The following PBX1 variants were observed in gnomAD, a reference collection of about 807,000 sequenced individuals.
The protein encoded by PBX1 is pre-B-cell leukemia transcription factor 1.
Under a neutral mutation model 53.4 loss-of-function variants are expected in PBX1, and 6 were observed. The observed-to-expected ratio is 0.11, with a 90% CI of 0.06 to 0.22. PBX1 has a LOEUF of 0.22. PBX1 is among the 10% of genes least tolerant of loss of function. PBX1 has a pLI of 1.00. For synonymous variants in PBX1, 204 were observed against 212.3 expected, an observed-to-expected ratio of 0.96 and a Z score of 0.34; for missense variants, 251 against 551.4, an observed-to-expected ratio of 0.46 and a Z score of 5.46.
chr1:164,818,536 T>C lies in PBX1; in HGVS notation c.998-1536T>C, dbSNP rs527439086. On this transcript the variant is annotated intron_variant, in intron 6 of 8. Transcript: ENST00000420696. The stretch of plus-strand genomic sequence containing the variant: ...TTATTTTTTCCTGGGAAAGAAGGAA[T>C]GAGAAGGGAGTTAGGTGGAGGATTG... The C allele has an allele frequency of 3.3e-5, 5 of 152,218 alleles. No homozygotes were observed. In the East Asian group the frequency reaches 9.6e-4, roughly 29 times the overall value. The allele number at this position is 152,218 out of a possible 1,614,324, so 9.4% of individuals were successfully genotyped here.
chr1:164,638,853 C>T (rs891021319), intron 2 of PBX1, among the ~76,000 whole-genome samples: 2 of 152,186 alleles, frequency 1.3e-5, no homozygotes, highest in African/African-American at 4.8e-5. Context: ...CAGTTGTGTG[C>T]ATGGAACATT....
At chr1:164,821,871 G>A (rs1339304191) in intron 8 of PBX1, among the ~76,000 whole-genome samples, 1 of 152,114 alleles carries the variant, frequency 6.6e-6, no homozygotes, top group Non-Finnish European at 1.5e-5. Flanking sequence ...TGTTTGCATG[G>A]CACCTGCGGC....
chr1:164,784,483 G>A (rs1051712417), intron 2 of PBX1, among the ~76,000 whole-genome samples: 4 of 152,202 alleles, frequency 2.6e-5, no homozygotes, highest in Non-Finnish European at 4.4e-5. Flanking sequence ...GACCAGAACC[G>A]CCAAAACCTA....
chr1:164,823,235 T>G (rs1423440384), intron 8 of PBX1, among the ~76,000 whole-genome samples: 1 of 152,202 alleles, frequency 6.6e-6, no homozygotes, highest in African/African-American at 2.4e-5. Flanking sequence ...ACTGCATTGA[T>G]GGCTGACTTA....
chr1:164,815,194 C>A (rs143136775), intron 6 of PBX1: 1 of 152,036 alleles, frequency 6.6e-6, no homozygotes, highest in African/African-American at 2.4e-5. Flanking sequence ...AAAATGAGGC[C>A]CTTTCAAGAA....
At chr1:164,603,929 ATTTTTTTT>A (rs71583414) in intron 2 of PBX1, among the ~76,000 whole-genome samples, 191 of 75,724 alleles carry the variant, frequency 2.5e-3, no homozygotes, top group Non-Finnish European at 3.8e-3. Context: ...ATGTCATTTC[ATTTTTTTT>A]TTTTTTTTTT....
intron 3 of PBX1, among the ~76,000 whole-genome samples, chr1:164,795,314 A>T (rs1273613163): frequency 6.6e-6 from 1 of 152,214 alleles, no homozygotes; most frequent in East Asian, 1.9e-4. Flanking sequence ...GAGAATGTGG[A>T]TGTCTTTCGA....
chr1:164,748,086 TTTTG>T (rs1316580409), intron 2 of PBX1, among the ~76,000 whole-genome samples: 1 of 152,122 alleles, frequency 6.6e-6, no homozygotes, highest in Non-Finnish European at 1.5e-5. Flanking sequence ...GCTTTTGAGT[TTTTG>T]TTTGTCAAGC....
chr1:164,762,163 T>C (rs1167271123), intron 2 of PBX1, among the ~76,000 whole-genome samples: 3 of 152,220 alleles, frequency 2.0e-5, no homozygotes, highest in Non-Finnish European at 4.4e-5. Context: ...AAATTGATAG[T>C]ATCTCCTAGC....
At position 164,682,990 on chromosome 1, in the gene PBX1, G is replaced by A. The variant is rs184592287; in HGVS notation, c.266-109504G>A. On this transcript the variant is annotated intron_variant, in intron 2 of 8. Coordinates refer to ENST00000420696, the MANE Select transcript of PBX1 (RefSeq NM_002585.4). ...CCCAGGCTGTGAGTTTTTTGATGTG[G>A]AAAGCTATTTACTAAGCATGTCTTG... The A allele has an allele frequency of 2.6e-5, 4 of 152,316 alleles. No homozygotes were observed. The East Asian group carries it at 7.7e-4, about 29-fold the overall frequency. The allele number at this position is 152,316 out of a possible 1,614,324, so 9.4% of individuals were successfully genotyped here. A position where few individuals can be genotyped will look rare whatever the true frequency, so the allele number is the denominator to read the frequency against.
intron 2 of PBX1, among the ~76,000 whole-genome samples, chr1:164,596,232 C>T (rs1372539161): frequency 1.3e-5 from 2 of 152,118 alleles, no homozygotes; most frequent in African/African-American, 4.8e-5. Flanking sequence ...TAGGGTCTCA[C>T]ATTGACATAC....
chr1:164,837,957 C>A (rs186012642), intron 8 of PBX1, among the ~76,000 whole-genome samples: 2 of 152,170 alleles, frequency 1.3e-5, no homozygotes, highest in African/African-American at 4.8e-5. Context: ...ATTATTAATC[C>A]TGGATCTTCG....
intron 1 of PBX1, chr1:164,560,597 CT>C (rs1652971456): frequency 6.0e-6 from 1 of 167,240 alleles, no homozygotes; most frequent in Admixed American, 6.4e-5. Flanking sequence ...CAGGGTATTT[CT>C]TTGTCAGTAC....
chr1:164,784,356 G>A (rs1055612224), intron 2 of PBX1, among the ~76,000 whole-genome samples: 3 of 152,186 alleles, frequency 2.0e-5, no homozygotes, highest in Admixed American at 6.5e-5. Flanking sequence ...GGGGCCTATC[G>A]CCCAGCACAT....
chr1:164,870,381 T>C (rs903491084), intron 2 of PBX1, among the ~76,000 whole-genome samples: 2 of 148,452 alleles, frequency 1.3e-5, no homozygotes, highest in African/African-American at 5.0e-5. Flanking sequence ...TCTTGCTCTG[T>C]CTCCCCAGGC....
chr1:164,686,970 A>G (rs964335614), intron 2 of PBX1, among the ~76,000 whole-genome samples: 2 of 151,994 alleles, frequency 1.3e-5, no homozygotes, highest in Non-Finnish European at 2.9e-5. Context: ...AAAAAAACCA[A>G]AAAAACGAAA....
chr1:164,715,735 GA>G (rs1664049584), intron 2 of PBX1, among the ~76,000 whole-genome samples: 1 of 152,122 alleles, frequency 6.6e-6, no homozygotes. Flanking sequence ...TCTAAAATAG[GA>G]TTTTGTGAAT....
At chr1:164,804,838 T>C (rs1159501931) in intron 4 of PBX1, among the ~76,000 whole-genome samples, 1 of 152,164 alleles carries the variant, frequency 6.6e-6, no homozygotes, top group Non-Finnish European at 1.5e-5. Context: ...TTAGCAAATA[T>C]AATGAACCAT....
chr1:164,751,066 A>G (rs1666185308), intron 2 of PBX1, among the ~76,000 whole-genome samples: 2 of 152,176 alleles, frequency 1.3e-5, no homozygotes, highest in South Asian at 4.1e-4. Flanking sequence ...CTGTAATCCC[A>G]GCACTTTGGG....
Sources: gnomAD v4.1 joint callset for allele counts (sites outside exome capture counted in the v4.1 genomes callset) on GRCh38, gnomAD v4.1.1 for gene constraint, MANE v1.5 for transcripts, NCBI Gene and HGNC (gene_info 2026-07-23, HGNC 2026-07-21) for gene names.